Variants in COL4A4 observed in about 807,000 individuals in gnomAD.
The protein encoded by COL4A4 is collagen type IV alpha 4 chain.
In COL4A4, 105 loss-of-function variants were observed where a neutral mutation model predicts 192.9. The observed-to-expected ratio is 0.54, with a 90% confidence interval of 0.46 to 0.64. The LOEUF (loss-of-function observed/expected upper bound fraction) is 0.64. Ranked by LOEUF, COL4A4 falls within the 30% of genes least tolerant of loss-of-function variation. COL4A4 has a pLI of 0.00. For synonymous variants in COL4A4, 762 were observed against 769.9 expected (o/e 0.99, Z 0.17); for missense variants, 1,967 against 2,169.3 (o/e 0.91, Z 1.85).
chr2:226,970,154 A>C, the COL4A4 span, among the ~76,000 whole-genome samples: 1 of 151,996 alleles, frequency 6.6e-6, no homozygotes, highest in Admixed American at 6.5e-5. Context: ...CCTAGGATAT[A>C]CTTCTGCACT....
intron 13 of COL4A4, 101 bp from the exon 14 acceptor site, chr2:227,103,298 T>TAA (rs111292507): frequency 3.3e-4 from 239 of 727,852 alleles, no homozygotes; most frequent in African/African-American, 3.1e-3. Flanking sequence ...TGTTTCACCT[T>TAA]AAAAAAAAAA....
At chr2:227,041,825 A>G (rs1244092591) in intron 37 of COL4A4, among the ~76,000 whole-genome samples, 10 of 38,580 alleles carry the variant, frequency 2.6e-4, no homozygotes, top group African/African-American at 3.2e-4. Flanking sequence ...AGAAAGAAAG[A>G]AAGAAAGAAA....
chr2:226,978,674 C>T, the COL4A4 span, among the ~76,000 whole-genome samples: 3 of 152,282 alleles, frequency 2.0e-5, no homozygotes, highest in East Asian at 5.8e-4. Context: ...TGAGAATGCA[C>T]GCTGTCAAAA....
At position 227,123,606 on chromosome 2, in the gene COL4A4, G is replaced by T. The variant is rs1244278748; in HGVS notation, c.193-2458C>A. Among the ~76,000 whole-genome samples the T allele has an allele frequency of 2.0e-5, 3 of 152,154 alleles. No homozygotes were observed. Among genetic ancestry groups the T allele is most frequent in the Non-Finnish European group, 4.4e-5 (3 of 68,022 alleles). ...TCCCGCCCTAGGGGAAGGGAGTGGG[G>T]GTATTTATCTCCTTGGCTGAGGGCC... On this transcript the variant is annotated intron_variant, in intron 4 of 47. Coordinates refer to ENST00000396625, the MANE Select transcript of COL4A4 (RefSeq NM_000092.5). The surrounding 1 kb of genome is among the most constrained non-coding windows in gnomAD (Gnocchi z 4.6).
chr2:227,107,659 C>T (rs2060929036), intron 12 of COL4A4, among the ~76,000 whole-genome samples: 2 of 151,962 alleles, frequency 1.3e-5, no homozygotes, highest in South Asian at 4.1e-4. Flanking sequence ...GGAGCAGATG[C>T]TTAATATTGA....
chr2:227,054,730 C>A lies in COL4A4; in HGVS notation c.2724G>T (p.Arg908=), dbSNP rs1159655829. 1.9e-6 allele frequency: 3 copies of A among 1,613,980 alleles called. No homozygotes were observed. Among genetic ancestry groups the A allele is most frequent in the Non-Finnish European group, 2.5e-6 (3 of 1,179,992 alleles). The change falls in exon 31 of 48, where the codon CGG becomes CGT. Residue 908 remains arginine (R), a synonymous_variant. Coordinates refer to ENST00000396625, the MANE Select transcript of COL4A4 (RefSeq NM_000092.5). The part of the protein sequence containing the change: ...LPGPPGPKGP[R]GLPGFPGFPG... Reference sequence around the variant, plus strand: ...GAAAACCTGGGAAACCAGGCAGCCCCCGGGGTCCTGGTGAAATGAGAGCAT... The same window carrying A: ...GAAAACCTGGGAAACCAGGCAGCCCACGGGGTCCTGGTGAAATGAGAGCAT...
chr2:227,029,359 G>A (rs1325045276), intron 41 of COL4A4, among the ~76,000 whole-genome samples: 1 of 152,122 alleles, frequency 6.6e-6, no homozygotes, highest in African/African-American at 2.4e-5. Context: ...TTCAATCATT[G>A]GAAGCCTACT....
chr2:227,022,217 T>C, intron 43 of COL4A4, 44 bp from the exon 44 acceptor site: 1 of 1,613,198 alleles, frequency 6.2e-7, no homozygotes, highest in Non-Finnish European at 8.5e-7. Context: ...CACGTGCTTA[T>C]GAACAAGCTC....
chr2:226,993,196 G>A, the COL4A4 span, among the ~76,000 whole-genome samples: 7 of 152,110 alleles, frequency 4.6e-5, no homozygotes, highest in South Asian at 2.1e-4. Flanking sequence ...ATTAATCTGC[G>A]GGCTTTTTCT....
intron 17 of COL4A4, 92 bp from the exon 18 acceptor site, chr2:227,099,781 A>G (rs1186487482): frequency 7.3e-6 from 8 of 1,096,836 alleles, no homozygotes; most frequent in Non-Finnish European, 9.6e-6. Flanking sequence ...TCATGTGCAC[A>G]TTCATATAAG....
chr2:227,071,367 T>G (rs1349434131), intron 25 of COL4A4, among the ~76,000 whole-genome samples: 2 of 152,176 alleles, frequency 1.3e-5, no homozygotes, highest in African/African-American at 4.8e-5. Flanking sequence ...TAAATTTATA[T>G]GCACCAAACA....
rs1425859536 is a variant in COL4A4 at position 227,056,041 on chromosome 2, G to C, written c.2620C>G (p.Leu874Val). Residue 874 changes from leucine (L) to valine (V), a missense_variant, in exon 30 of 48, where the codon CTC becomes GTC. Transcript: ENST00000396625. ...CCATGTGCCCCAGGCCGTCCTGGGA[G>C]TCCGGGGAGGCCTTTCATTCCAGCT... ...GPAGMKGLPG[L>V]PGRPGAHGPP... 6 of 1,613,972 alleles carry C rather than the reference G, an allele frequency of 3.7e-6. No homozygotes were observed. The East Asian group carries it at 1.3e-4, about 36-fold the overall frequency.
the COL4A4 span, among the ~76,000 whole-genome samples, chr2:226,983,540 G>C: frequency 2.0e-5 from 3 of 152,294 alleles, no homozygotes; most frequent in Middle Eastern, 6.8e-3. Flanking sequence ...ACCTAAACTT[G>C]ACCACTCGGG....
At chr2:227,114,368 G>C (rs955424604) in intron 8 of COL4A4, among the ~76,000 whole-genome samples, 2 of 152,214 alleles carry the variant, frequency 1.3e-5, no homozygotes, top group African/African-American at 4.8e-5. Flanking sequence ...GTCAGGAGTT[G>C]AGAAACCTTG....
intron 38 of COL4A4, among the ~76,000 whole-genome samples, 159 bp from the exon 39 acceptor site, chr2:227,032,435 T>C (rs1968637273): frequency 6.6e-6 from 1 of 152,206 alleles, no homozygotes; most frequent in African/African-American, 2.4e-5. Context: ...GCACCATTTC[T>C]CTCTTAGGAC....
chr2:227,062,806 A>G (rs1216380792), intron 25 of COL4A4, among the ~76,000 whole-genome samples: 3 of 152,190 alleles, frequency 2.0e-5, no homozygotes, highest in Non-Finnish European at 4.4e-5. Context: ...TTCAACTGTC[A>G]GAAGAGTTAT....
intron 22 of COL4A4, among the ~76,000 whole-genome samples, chr2:227,086,629 G>A (rs1487106765): frequency 6.6e-6 from 1 of 152,018 alleles, no homozygotes; most frequent in Non-Finnish European, 1.5e-5. Context: ...GCCTACAAAG[G>A]AAAGCCCCAT....
intron 7 of COL4A4, among the ~76,000 whole-genome samples, chr2:227,116,277 G>A (rs927217083): frequency 6.6e-6 from 1 of 152,176 alleles, no homozygotes; most frequent in Non-Finnish European, 1.5e-5. Flanking sequence ...AGGCCTGGGG[G>A]TCCTCTCCTG....
intron 1 of COL4A4, among the ~76,000 whole-genome samples, chr2:227,158,743 T>C (rs1448836504): frequency 2.1e-5 from 3 of 142,136 alleles, no homozygotes; most frequent in African/African-American, 7.6e-5. Context: ...CGTTAGTTAT[T>C]GGAGAAATGC....
Sources: gnomAD v4.1 joint callset for allele counts (sites outside exome capture counted in the v4.1 genomes callset) on GRCh38, gnomAD v4.1.1 for gene constraint, Gnocchi (gnomAD v3.1) non-coding constraint, MANE v1.5 for transcripts, NCBI Gene and HGNC (gene_info 2026-07-23, HGNC 2026-07-21) for gene names.